The following SLC25A26 variants were observed in gnomAD, a reference collection of about 807,000 sequenced individuals.
SLC25A26 encodes mitochondrial S-adenosylmethionine carrier protein.
A neutral mutation model predicts 37.8 loss-of-function variants in SLC25A26; 36 were observed. That is an observed-to-expected ratio of 0.95 (90% CI 0.73 to 1.26). The LOEUF is 1.26. Ranked by LOEUF, SLC25A26 falls within the 50% of genes most tolerant of loss-of-function variation. The probability of loss-of-function intolerance (pLI) is 0.00; values close to 1 mark genes in which losing one functional copy is unlikely to be tolerated. For missense variants in SLC25A26, 390 were observed against 331.1 expected (o/e 1.18, Z -1.38); for synonymous variants, 129 against 122.5 (o/e 1.05, Z -0.35).
chr3:66,240,921 T>C (rs1163579449), intron 2 of SLC25A26, among the ~76,000 whole-genome samples: 1 of 152,004 alleles, frequency 6.6e-6, no homozygotes, highest in African/African-American at 2.4e-5. Context: ...AATTTTTTTG[T>C]ATTTTTAGTA....
At chr3:66,148,370 T>C (rs891577702) in intron 1 of SLC25A26, among the ~76,000 whole-genome samples, 10 of 152,116 alleles carry the variant, frequency 6.6e-5, no homozygotes, top group Non-Finnish European at 1.3e-4. Flanking sequence ...TTACCACCCG[T>C]AGACACAAAG....
chr3:66,267,511 C>G (rs2073799927), intron 5 of SLC25A26, among the ~76,000 whole-genome samples: 1 of 151,970 alleles, frequency 6.6e-6, no homozygotes, highest in Non-Finnish European at 1.5e-5. Context: ...GACATGTGTC[C>G]CCTGGAGTCT....
At chr3:66,281,169 G>A (rs752312593) in intron 5 of SLC25A26, among the ~76,000 whole-genome samples, 21 of 152,130 alleles carry the variant, frequency 1.4e-4, no homozygotes, top group African/African-American at 3.1e-4. Flanking sequence ...TTAGACTCAG[G>A]TTAATTGGTT....
chr3:66,338,887 T>C (rs140369617), intron 5 of SLC25A26, among the ~76,000 whole-genome samples: 398 of 152,182 alleles, frequency 2.6e-3, no homozygotes, highest in Admixed American at 5.8e-3. Flanking sequence ...AGTTTATCCA[T>C]AGTGTGGCAT....
rs1300131442 is a variant in SLC25A26 at position 66,209,059 on chromosome 3, TATATATACAC to T, written c.-353-11681_-353-11672del. Among the ~76,000 whole-genome samples the T allele has an allele frequency of 3.0e-3, 73 of 24,426 alleles. 3 individuals are homozygous for T. Among genetic ancestry groups the T allele is most frequent in the African/African-American group, 0.014 (66 of 4,844 alleles). 16.0% of individuals were successfully genotyped at this position (24,426 alleles called of 152,430 possible). ...AAAGGTGTATATATATATATATATA[TATATATACAC>T]ACACACACCCATATAAAGATGTATA... On this transcript the variant is annotated intron_variant, in intron 1 of 10. Transcript: ENST00000676754.
intron 5 of SLC25A26, among the ~76,000 whole-genome samples, chr3:66,273,018 G>T (rs1177045010): frequency 6.6e-6 from 1 of 152,070 alleles, no homozygotes; most frequent in Non-Finnish European, 1.5e-5. Context: ...TTTGAATCTT[G>T]TCAAAGGCCT....
intron 5 of SLC25A26, among the ~76,000 whole-genome samples, chr3:66,281,656 A>G (rs879917138): frequency 2.1e-4 from 32 of 152,124 alleles, no homozygotes; most frequent in Admixed American, 2.1e-3. Flanking sequence ...TACTATATTC[A>G]TAAGTGTGTG....
chr3:66,244,652 G>A (rs34897535), intron 3 of SLC25A26, among the ~76,000 whole-genome samples: 14,981 of 152,134 alleles, frequency 0.098, 888 homozygotes, highest in Admixed American at 0.18. Context: ...CAAAAAATAG[G>A]CAGTCTGTTC....
At chr3:66,269,943 T>A (rs184817168) in intron 5 of SLC25A26, among the ~76,000 whole-genome samples, 3 of 152,302 alleles carry the variant, frequency 2.0e-5, no homozygotes, top group African/African-American at 7.2e-5. Context: ...ATGCCCAGGC[T>A]CTAGCATAAT....
intron 5 of SLC25A26, among the ~76,000 whole-genome samples, chr3:66,331,558 C>T (rs2075974827): frequency 6.6e-6 from 1 of 151,898 alleles, no homozygotes; most frequent in Non-Finnish European, 1.5e-5. Flanking sequence ...AATTTACTTT[C>T]TTCATGTGTC....
intron 1 of SLC25A26, among the ~76,000 whole-genome samples, chr3:66,178,026 G>A (rs753546299): frequency 6.6e-6 from 1 of 152,154 alleles, no homozygotes; most frequent in Non-Finnish European, 1.5e-5. Context: ...CCCCTTGTTT[G>A]GAATTTTCTA....
chr3:66,274,070 G>A (rs2074047530), intron 5 of SLC25A26, among the ~76,000 whole-genome samples: 1 of 152,136 alleles, frequency 6.6e-6, no homozygotes, highest in African/African-American at 2.4e-5. Context: ...CAGTGGAACA[G>A]AACAGAGCCC....
intron 1 of SLC25A26, among the ~76,000 whole-genome samples, chr3:66,223,830 A>C (rs2071611354): frequency 6.6e-6 from 1 of 152,212 alleles, no homozygotes; most frequent in African/African-American, 2.4e-5. Context: ...GGGTATCCAG[A>C]AACAAAATCC....
intron 1 of SLC25A26, among the ~76,000 whole-genome samples, chr3:66,175,109 G>GTGTA (rs1553650656): frequency 9.2e-5 from 9 of 97,310 alleles, no homozygotes; most frequent in East Asian, 6.1e-4. Context: ...ATGTGTGTGT[G>GTGTA]TATATATATA....
chr3:66,349,217 C>T (rs952310200), intron 6 of SLC25A26, among the ~76,000 whole-genome samples: 1 of 152,054 alleles, frequency 6.6e-6, no homozygotes, highest in Non-Finnish European at 1.5e-5. Flanking sequence ...TGTTAAGATG[C>T]TGCCATTTTT....
At chr3:66,327,784 C>T (rs2075874728) in intron 5 of SLC25A26, among the ~76,000 whole-genome samples, 1 of 151,904 alleles carries the variant, frequency 6.6e-6, no homozygotes, top group African/African-American at 2.4e-5. Context: ...TTATGTACTT[C>T]CTAAATTTGT....
At chr3:66,340,962 T>G (rs1161232905) in intron 5 of SLC25A26, among the ~76,000 whole-genome samples, 3 of 152,140 alleles carry the variant, frequency 2.0e-5, no homozygotes, top group Non-Finnish European at 4.4e-5. Context: ...AATGTGTGTG[T>G]GTGTGTTGAT....
At chr3:66,256,429 A>T (rs992984346) in intron 3 of SLC25A26, among the ~76,000 whole-genome samples, 3 of 152,174 alleles carry the variant, frequency 2.0e-5, no homozygotes, top group African/African-American at 7.2e-5. Flanking sequence ...CATAATAAAT[A>T]CTTTTTTCCT....
intron 1 of SLC25A26, among the ~76,000 whole-genome samples, chr3:66,234,133 G>T (rs1366194146): frequency 6.6e-6 from 1 of 152,120 alleles, no homozygotes; most frequent in Non-Finnish European, 1.5e-5. Context: ...CCAGGCAGGA[G>T]CGTGGTGGCT....
Sources: allele counts gnomAD v4.1 joint callset (sites outside exome capture counted in the v4.1 genomes callset), GRCh38; gene constraint gnomAD v4.1.1; transcripts MANE v1.5; gene names NCBI Gene and HGNC (gene_info 2026-07-23, HGNC 2026-07-21).